The following CAMSAP2 variants were observed in gnomAD, a reference collection of about 807,000 sequenced individuals.
CAMSAP2 encodes the protein calmodulin-regulated spectrin-associated protein 2.
In CAMSAP2, 26 loss-of-function variants were observed where a neutral mutation model predicts 146.1. The ratio of observed to expected loss-of-function variants is 0.18; its 90% CI spans 0.13 to 0.25. The LOEUF is 0.25. Among genes scored for constraint, CAMSAP2 ranks in the 10% least tolerant of loss-of-function variants. The probability of loss-of-function intolerance (pLI) is 1.00; values close to 1 mark genes in which losing one functional copy is unlikely to be tolerated. For synonymous variants in CAMSAP2, 499 were observed against 596.6 expected, an observed-to-expected ratio of 0.84 and a Z score of 2.38; for missense variants, 1,381 against 1,759.3, an observed-to-expected ratio of 0.78 and a Z score of 3.85.
At position 200,822,403 on chromosome 1, in the gene CAMSAP2, T is replaced by G. The variant is rs1666797882; in HGVS notation, c.645+6759T>G. ...TAAACTGAAGCAGTTCTTTAGCTTT[T>G]CTTTTCTTTGTGGCCTTGACATTTT... On this transcript the variant is annotated intron_variant, in intron 4 of 16. Transcript: ENST00000358823. 2.6e-5 allele frequency among the ~76,000 whole-genome samples: 4 copies of G among 152,342 alleles called. No homozygotes were observed. In the South Asian group the frequency reaches 6.2e-4, roughly 24 times the overall value.
At chr1:200,842,708 G>A (rs1183526384) in intron 7 of CAMSAP2, among the ~76,000 whole-genome samples, 2 of 152,048 alleles carry the variant, frequency 1.3e-5, no homozygotes, top group African/African-American at 2.4e-5. Context: ...GGGTGCGGTG[G>A]CTCACGCCTG....
At chr1:200,815,312 C>G (rs1571786748) in intron 3 of CAMSAP2, among the ~76,000 whole-genome samples, 1 of 152,126 alleles carries the variant, frequency 6.6e-6, no homozygotes, top group South Asian at 2.1e-4. Flanking sequence ...AGCGCTCCAA[C>G]CAGTTCCTGA....
At chr1:200,817,156 A>G (rs1666591702) in intron 4 of CAMSAP2, among the ~76,000 whole-genome samples, 1 of 103,580 alleles carries the variant, frequency 9.7e-6, no homozygotes. Context: ...ACATACACAC[A>G]TACACACACG....
intron 1 of CAMSAP2, among the ~76,000 whole-genome samples, chr1:200,758,384 T>A (rs1310431666): frequency 4.6e-5 from 7 of 152,224 alleles, no homozygotes; most frequent in African/African-American, 1.7e-4. Context: ...CTACTAATAG[T>A]TTCTGTTTAT....
chr1:200,746,483 A>T (rs1214439162), intron 1 of CAMSAP2, among the ~76,000 whole-genome samples: 1 of 152,158 alleles, frequency 6.6e-6, no homozygotes, highest in African/African-American at 2.4e-5. Flanking sequence ...AACCATGTTG[A>T]GTTTGAGGAA....
chr1:200,844,542 C>T (rs759412461), intron 7 of CAMSAP2, among the ~76,000 whole-genome samples: 4 of 150,512 alleles, frequency 2.7e-5, no homozygotes, highest in South Asian at 2.1e-4. Flanking sequence ...AGCGAGACTC[C>T]GTCTAAAAAA....
At position 200,825,575 on chromosome 1, in the gene CAMSAP2, C is replaced by T. The variant is rs570400486; in HGVS notation, c.646-6625C>T. The stretch of plus-strand genomic sequence containing the variant: ...AGGCTGGAGTGCAATGGTGCGATCT[C>T]GGCTCACTGCAACCTCTGCCTCCCA... On this transcript the variant is annotated intron_variant, in intron 4 of 16. Transcript: ENST00000358823. Among the ~76,000 whole-genome samples, 322 of 150,258 alleles carry T rather than the reference C, an allele frequency of 2.1e-3. 7 individuals carry two copies. Among genetic ancestry groups the T allele is most frequent in the East Asian group, 3.9e-3 (20 of 5,128 alleles).
At chr1:200,790,224 C>T (rs1386057032) in intron 2 of CAMSAP2, among the ~76,000 whole-genome samples, 1 of 152,078 alleles carries the variant, frequency 6.6e-6, no homozygotes. Flanking sequence ...TTGATAGTAC[C>T]TTAACAGATT....
chr1:200,810,472 A>G (rs1666298309), intron 3 of CAMSAP2, among the ~76,000 whole-genome samples: 1 of 151,572 alleles, frequency 6.6e-6, no homozygotes. Context: ...GCTACTTGGG[A>G]GGCTGAGGCA....
intron 4 of CAMSAP2, among the ~76,000 whole-genome samples, chr1:200,824,407 T>G (rs532717100): frequency 6.6e-6 from 1 of 152,310 alleles, no homozygotes; most frequent in East Asian, 1.9e-4. Context: ...ACTAAGTGGC[T>G]CATTGCTACA....
intron 1 of CAMSAP2, among the ~76,000 whole-genome samples, chr1:200,740,886 G>T (rs1664150160): frequency 6.6e-6 from 1 of 152,152 alleles, no homozygotes; most frequent in Non-Finnish European, 1.5e-5. Context: ...CTGTAATTTG[G>T]TAACTTTTAA....
At position 200,847,391 on chromosome 1, in the gene CAMSAP2, TTGTG is replaced by T. The variant is rs71138304; in HGVS notation, c.1192+115_1192+118del. 26 of 736,448 alleles carry T rather than the reference TTGTG, an allele frequency of 3.5e-5. No individual in the cohort carries two copies. The East Asian group carries it at 4.2e-4, about 12-fold the overall frequency. 45.6% of individuals were successfully genotyped at this position (736,448 alleles called of 1,614,324 possible). ...AAATAAACAAATATCCAGGGTTTTT[TTGTG>T]TGTGTGTGTGTGTGTTTTTTTGTTT... is the stretch of plus-strand genomic sequence containing the variant. On this transcript the variant is annotated intron_variant, in intron 9 of 16. Coordinates refer to ENST00000358823, the MANE Select transcript of CAMSAP2 (RefSeq NM_203459.4).
intron 6 of CAMSAP2, among the ~76,000 whole-genome samples, chr1:200,840,047 G>A (rs530014124): frequency 1.1e-3 from 164 of 152,152 alleles, no homozygotes; most frequent in Non-Finnish European, 2.1e-3. Flanking sequence ...AAACATGAAG[G>A]TAAAGTAGAA....
chr1:200,809,258 A>G (rs1381626726), intron 3 of CAMSAP2, among the ~76,000 whole-genome samples: 1 of 152,112 alleles, frequency 6.6e-6, no homozygotes, highest in Non-Finnish European at 1.5e-5. Context: ...TTTGGATCGC[A>G]CTCATTGCCT....
In CAMSAP2 at chr1:200,760,991, T is replaced by G; in HGVS notation, c.292T>G (p.Leu98Val). 6.2e-7 allele frequency: 1 copy of G among 1,614,140 alleles called. No homozygotes were observed. Among genetic ancestry groups the G allele is most frequent in the Non-Finnish European group, 8.5e-7 (1 of 1,180,030 alleles). The change falls in exon 2 of 17, where the codon TTG (leucine) becomes GTG (valine). Residue 98 changes from leucine to valine, a missense_variant. By Grantham distance (32) the Leu-to-Val change is conservative. This residue lies in a region of CAMSAP2 where 284 missense variants were observed against 406.9 expected (regional missense o/e 0.70). Coordinates refer to ENST00000358823, the MANE Select transcript of CAMSAP2 (RefSeq NM_203459.4). Reference sequence around the variant, plus strand: ...CAAGAGTGATGCTGCAAAACCCCTTTTGGGCCATGATGCTGTAATCCAGGC... The same window carrying G: ...CAAGAGTGATGCTGCAAAACCCCTTGTGGGCCATGATGCTGTAATCCAGGC... The part of the protein sequence containing the change: ...ILKSDAAKPL[L>V]GHDAVIQALA...
chr1:200,780,365 T>G (rs1419993478), intron 2 of CAMSAP2, among the ~76,000 whole-genome samples: 1 of 152,224 alleles, frequency 6.6e-6, no homozygotes, highest in African/African-American at 2.4e-5. Context: ...TTGTAACCCT[T>G]TAGCAGTAAA....
chr1:200,804,599 T>C (rs893774349), intron 2 of CAMSAP2, among the ~76,000 whole-genome samples: 13 of 152,146 alleles, frequency 8.5e-5, no homozygotes, highest in Admixed American at 4.6e-4. Flanking sequence ...AAACAGGAAT[T>C]TACTTTCACC....
chr1:200,775,987 CAAAA>C (rs559487129), intron 2 of CAMSAP2, among the ~76,000 whole-genome samples: 1 of 139,342 alleles, frequency 7.2e-6, no homozygotes, highest in Admixed American at 7.1e-5. Flanking sequence ...TCTTTAAAAA[CAAAA>C]AAAAAAAGAA....
chr1:200,828,184 A>G (rs1666951219), intron 4 of CAMSAP2, among the ~76,000 whole-genome samples: 1 of 152,170 alleles, frequency 6.6e-6, no homozygotes, highest in African/African-American at 2.4e-5. Context: ...GACACAGTCT[A>G]CTAATACCTA....
Sources: allele counts gnomAD v4.1 joint callset (sites outside exome capture counted in the v4.1 genomes callset), GRCh38; gene constraint gnomAD v4.1.1; regional missense constraint gnomAD v4.1.1; transcripts MANE v1.5; gene names NCBI Gene and HGNC (gene_info 2026-07-23, HGNC 2026-07-21).